The following CACNA1D variants were observed in gnomAD, a reference collection of about 807,000 sequenced individuals.
CACNA1D encodes calcium voltage-gated channel subunit alpha1 D.
CACNA1D carries 55 observed loss-of-function variants against 257.1 expected under a neutral mutation model. The observed-to-expected ratio is 0.21, with a 90% CI of 0.17 to 0.27. The LOEUF is 0.27. Ranked by LOEUF, CACNA1D falls within the 10% of genes least tolerant of loss-of-function variation. The probability of loss-of-function intolerance (pLI) is 1.00; values close to 1 mark genes in which losing one functional copy is unlikely to be tolerated. For missense variants in CACNA1D, 1,876 were observed against 2,784.0 expected, an observed-to-expected ratio of 0.67 and a Z score of 7.34; for synonymous variants, 980 against 1,014.9, an observed-to-expected ratio of 0.97 and a Z score of 0.65.
chr3:53,715,111 G>A (rs1333024534), intron 9 of CACNA1D, among the ~76,000 whole-genome samples: 1 of 152,134 alleles, frequency 6.6e-6, no homozygotes, highest in Non-Finnish European at 1.5e-5. Context: ...GGCTGGAGAA[G>A]GTAGGCTGCC....
chr3:53,611,210 C>T (rs1044855078), intron 3 of CACNA1D, among the ~76,000 whole-genome samples: 1 of 152,106 alleles, frequency 6.6e-6, no homozygotes, highest in Non-Finnish European at 1.5e-5. Flanking sequence ...GTAGCAAGAC[C>T]CCATCTCAAC....
At chr3:53,749,156 C>T (rs2095201408) in intron 26 of CACNA1D, 112 bp from the exon 27 acceptor site, 1 of 772,440 alleles carries the variant, frequency 1.3e-6, no homozygotes. Flanking sequence ...GGTGGGTTCC[C>T]AGCGAGTGCT....
chr3:53,706,529 A>G (rs1238746594), intron 9 of CACNA1D, among the ~76,000 whole-genome samples: 3 of 152,164 alleles, frequency 2.0e-5, no homozygotes, highest in Admixed American at 6.5e-5. Context: ...TGTTGTGACA[A>G]TTGAACGTTC....
In CACNA1D at chr3:53,774,189, T is replaced by C; in HGVS notation, c.4111-398T>C. 3.9e-6 allele frequency: 1 copy of C among 259,470 alleles called. No individual in the cohort carries two copies. Among genetic ancestry groups the C allele is most frequent in the Non-Finnish European group, 7.6e-6 (1 of 132,210 alleles). The allele number at this position is 259,470 out of a possible 1,614,324, so 16.1% of individuals were successfully genotyped here. On this transcript the variant is annotated intron_variant, in intron 33 of 47. Transcript: ENST00000350061. The surrounding 1 kb of genome is among the most constrained non-coding windows in gnomAD (Gnocchi z 4.3). Reference sequence around the variant, plus strand: ...GCCTTTCCTATCACCTGATGTATCTTTCAGTTCTGAGTTTACATGTCACTT... The same window carrying C: ...GCCTTTCCTATCACCTGATGTATCTCTCAGTTCTGAGTTTACATGTCACTT...
chr3:53,679,269 T>TAAAAAAA (rs1559504844), intron 8 of CACNA1D: 5 of 6,372 alleles, frequency 7.8e-4, no homozygotes, highest in African/African-American at 1.3e-3. Flanking sequence ...AAACTCCATC[T>TAAAAAAA]CAAAAAAAAA....
At chr3:53,540,405 C>T (rs996613119) in intron 3 of CACNA1D, among the ~76,000 whole-genome samples, 6 of 151,958 alleles carry the variant, frequency 3.9e-5, no homozygotes, top group African/African-American at 7.2e-5. Flanking sequence ...GGATTACAGG[C>T]GTGAGCCACC....
intron 21 of CACNA1D, chr3:53,740,598 GTTT>G (rs57900500): frequency 3.0e-6 from 1 of 331,418 alleles, no homozygotes. Context: ...GTTGAGCTAA[GTTT>G]TTTTTTTTTG....
At chr3:53,680,539 G>GTAT (rs1335509331) in intron 8 of CACNA1D, among the ~76,000 whole-genome samples, 4 of 152,124 alleles carry the variant, frequency 2.6e-5, no homozygotes, top group South Asian at 4.1e-4. Flanking sequence ...GTTGTTGAGG[G>GTAT]TATTAGTGTT....
intron 3 of CACNA1D, among the ~76,000 whole-genome samples, chr3:53,623,512 T>C (rs1051242364): frequency 2.0e-5 from 3 of 152,262 alleles, no homozygotes; most frequent in Non-Finnish European, 4.4e-5. Context: ...GTAGCTTCTC[T>C]GTGTATTTGA....
chr3:53,745,566 A>T, intron 23 of CACNA1D, 58 bp from the exon 24 acceptor site: 45 of 905,776 alleles, frequency 5.0e-5, no homozygotes, highest in Non-Finnish European at 7.9e-5. Context: ...GGCTGATGTT[A>T]GCTCACCTCA....
At chr3:53,581,744 G>A (rs1419675063) in intron 3 of CACNA1D, among the ~76,000 whole-genome samples, 1 of 152,204 alleles carries the variant, frequency 6.6e-6, no homozygotes, top group African/African-American at 2.4e-5. Context: ...AGCTGAGCTA[G>A]AACTCAGAAA....
At chr3:53,716,695 A>C (rs2094822463) in intron 9 of CACNA1D, among the ~76,000 whole-genome samples, 1 of 152,122 alleles carries the variant, frequency 6.6e-6, no homozygotes, top group Non-Finnish European at 1.5e-5. Flanking sequence ...AGTACCAGCA[A>C]TGTAACATGA....
At chr3:53,515,702 A>G (rs767126916) in intron 3 of CACNA1D, among the ~76,000 whole-genome samples, 2 of 152,238 alleles carry the variant, frequency 1.3e-5, no homozygotes, top group African/African-American at 2.4e-5. Context: ...AGGGCTCCTC[A>G]GGACCCAGGT....
intron 10 of CACNA1D, 182 bp downstream of exon 10, chr3:53,718,570 TCCCCACCCCCCGCCCCCCCG>T: frequency 1.4e-6 from 1 of 717,966 alleles, no homozygotes; most frequent in Non-Finnish European, 2.4e-6. Context: ...CCTGCACACC[TCCCCACCCCCCGCCCCCCCG>T]CCCCCCGGCC....
chr3:53,629,057 C>T (rs985419256), intron 3 of CACNA1D, among the ~76,000 whole-genome samples: 1 of 152,120 alleles, frequency 6.6e-6, no homozygotes, highest in African/African-American at 2.4e-5. Flanking sequence ...GCTTTGTGGG[C>T]CGTGTGGTTT....
At chr3:53,702,396 G>A (rs533025673) in intron 8 of CACNA1D, among the ~76,000 whole-genome samples, 58 of 152,296 alleles carry the variant, frequency 3.8e-4, no homozygotes, top group African/African-American at 1.3e-3. Flanking sequence ...ATCGAGGGGA[G>A]TTCATTTTCT....
intron 3 of CACNA1D, among the ~76,000 whole-genome samples, chr3:53,629,146 C>T (rs1388641673): frequency 2.0e-5 from 3 of 152,194 alleles, no homozygotes; most frequent in South Asian, 2.1e-4. Flanking sequence ...GGTTGTGTGG[C>T]AGTAAAGCTT....
intron 3 of CACNA1D, among the ~76,000 whole-genome samples, chr3:53,607,721 A>G (rs2093530743): frequency 6.6e-6 from 1 of 152,230 alleles, no homozygotes; most frequent in African/African-American, 2.4e-5. Flanking sequence ...TATATAAGGT[A>G]TCTGTGAAGT....
chr3:53,795,103 C>T (rs1172315091), intron 40 of CACNA1D, among the ~76,000 whole-genome samples: 5 of 152,170 alleles, frequency 3.3e-5, no homozygotes, highest in African/African-American at 7.2e-5. Context: ...CCGAGTCTTG[C>T]GGCCTGTGCT....
Sources: allele counts gnomAD v4.1 joint callset (sites outside exome capture counted in the v4.1 genomes callset), GRCh38; gene constraint gnomAD v4.1.1; non-coding constraint Gnocchi (gnomAD v3.1); transcripts MANE v1.5; gene names NCBI Gene and HGNC (gene_info 2026-07-23, HGNC 2026-07-21).